ATP2B2: variants seen among roughly 807,000 people sequenced by gnomAD.
ATP2B2 encodes ATPase plasma membrane Ca2+ transporting 2.
ATP2B2 carries 15 observed loss-of-function variants against 120.0 expected under a neutral mutation model. That is an observed-to-expected ratio of 0.12 (90% confidence interval 0.08 to 0.19). ATP2B2 has a LOEUF of 0.19. Ranked by LOEUF, ATP2B2 falls within the 10% of genes least tolerant of loss-of-function variation. ATP2B2 has a pLI of 1.00. For missense variants in ATP2B2, 1,045 were observed against 1,719.8 expected, an observed-to-expected ratio of 0.61 and a Z score of 6.94; for synonymous variants, 694 against 700.3, an observed-to-expected ratio of 0.99 and a Z score of 0.14.
intron 1 of ATP2B2, among the ~76,000 whole-genome samples, chr3:10,701,547 C>T (rs1236062533): frequency 2.6e-5 from 4 of 152,046 alleles, no homozygotes; most frequent in Admixed American, 2.6e-4. Flanking sequence ...GTTTGTATTT[C>T]ATAAGAAACG....
In ATP2B2 at chr3:10,342,423, C is replaced by A. The variant is rs2060304932; in HGVS notation, c.2917+329G>T. On this transcript the variant is annotated intron_variant, in intron 19 of 22. Coordinates refer to ENST00000360273, the MANE Select transcript of ATP2B2 (RefSeq NM_001001331.4). This position sits in a 1 kb window ranked among gnomAD's most constrained non-coding sequence, Gnocchi z 4.4. The stretch of plus-strand genomic sequence containing the variant: ...GGGTCAGAGAAGGGGTGAGTCACTC[C>A]CCTCCCAGCCTCAGGTGCCTCTGGG... Among the ~76,000 whole-genome samples, 1 of 152,174 alleles carries A rather than the reference C, an allele frequency of 6.6e-6. No homozygotes were observed.
chr3:10,689,282 A>G (rs2071598619), intron 1 of ATP2B2, among the ~76,000 whole-genome samples: 2 of 152,210 alleles, frequency 1.3e-5, no homozygotes, highest in African/African-American at 2.4e-5. Context: ...GGTAGGAGTC[A>G]GAACCAGGTA....
intron 1 of ATP2B2, among the ~76,000 whole-genome samples, chr3:10,705,354 C>T (rs1245884198): frequency 1.3e-5 from 2 of 152,128 alleles, no homozygotes; most frequent in Non-Finnish European, 2.9e-5. Context: ...GATCGTATAC[C>T]CCTACACCTC....
rs752028376 is a variant in ATP2B2 at position 10,410,700 on chromosome 3, G to A, written c.315C>T (p.Asp105=). Reference sequence around the variant, plus strand: ...CAATCTCCAGGATGATGAGCGTCACGTCCTGCAGCGCCTCCCACACGAGCT... The same window carrying A: ...CAATCTCCAGGATGATGAGCGTCACATCCTGCAGCGCCTCCCACACGAGCT... ...FLQLVWEALQ[D]VTLIILEIAA... The change falls in exon 3 of 23, where the codon GAC becomes GAT. Residue 105 remains aspartate (D), a synonymous_variant. Transcript: ENST00000360273. 51 of 1,614,202 alleles carry A rather than the reference G, an allele frequency of 3.2e-5. No homozygotes were observed. In the Middle Eastern group the frequency reaches 5.0e-4, roughly 16 times the overall value.
chr3:10,499,267 C>T (rs1368797856), intron 1 of ATP2B2, among the ~76,000 whole-genome samples: 5 of 152,264 alleles, frequency 3.3e-5, no homozygotes, highest in South Asian at 2.1e-4. Context: ...AGAAAACATC[C>T]GCTGAGCCTC....
intron 1 of ATP2B2, among the ~76,000 whole-genome samples, chr3:10,676,297 C>T (rs1266731429): frequency 2.0e-5 from 3 of 152,124 alleles, no homozygotes; most frequent in African/African-American, 7.2e-5. Context: ...TTTGTGGGTT[C>T]CAGCCATTTC....
In ATP2B2 at chr3:10,527,328, C is replaced by T. The variant is rs1213860690; in HGVS notation, c.-320+6711G>A. Among the ~76,000 whole-genome samples, 4 of 152,340 alleles carry T rather than the reference C, an allele frequency of 2.6e-5. No homozygotes were observed. In the East Asian group the frequency reaches 7.7e-4, roughly 29 times the overall value. On this transcript the variant is annotated intron_variant, in intron 3 of 21. Coordinates refer to the ATP2B2 transcript ENST00000646379. ...CCTTATGAAATAGGAACTGTTACCACCACCCCCATTTTACAGGGTAGGAAA... is the reference window on the plus strand; with the variant it reads ...CCTTATGAAATAGGAACTGTTACCATCACCCCCATTTTACAGGGTAGGAAA...
rs546141821 is a variant in ATP2B2 at position 10,343,592 on chromosome 3, A to C, written c.2704-627T>G. 2.0e-5 allele frequency among the ~76,000 whole-genome samples: 3 copies of C among 152,244 alleles called. No individual in the cohort carries two copies. In the East Asian group the frequency reaches 5.8e-4, roughly 29 times the overall value. ...TCCAGGTTCTGGGAGGGACCCTTTC[A>C]GACCTGTCTCTTTGGCTGAGAGGAG... On this transcript the variant is annotated intron_variant, in intron 18 of 22. Transcript: ENST00000360273. The surrounding 1 kb of genome is among the most constrained non-coding windows in gnomAD (Gnocchi z 4.2).
intron 9 of ATP2B2, 137 bp from the exon 10 acceptor site, chr3:10,378,547 T>C: frequency 1.7e-6 from 2 of 1,197,038 alleles, no homozygotes; most frequent in Non-Finnish European, 2.4e-6. Flanking sequence ...GAGCCCCGCA[T>C]GGCTGGTGCA....
At chr3:10,350,662 T>C in intron 14 of ATP2B2, 85 bp from the exon 15 acceptor site, 1 of 1,447,050 alleles carries the variant, frequency 6.9e-7, no homozygotes, top group Non-Finnish European at 9.5e-7. Flanking sequence ...GGAGCCCTTC[T>C]CACAGGCAGC....
At chr3:10,440,174 C>G (rs979984374) in intron 2 of ATP2B2, among the ~76,000 whole-genome samples, 2 of 150,224 alleles carry the variant, frequency 1.3e-5, no homozygotes, top group African/African-American at 4.9e-5. Flanking sequence ...TGAGAAGCCC[C>G]AGAGTCCCAT....
chr3:10,419,696 C>T (rs971500868), intron 2 of ATP2B2, among the ~76,000 whole-genome samples: 13 of 152,328 alleles, frequency 8.5e-5, no homozygotes, highest in Middle Eastern at 3.4e-3. Flanking sequence ...CTATGTTGAG[C>T]ACCCATTATG....
At chr3:10,399,189 T>G (rs533842980) in intron 5 of ATP2B2, among the ~76,000 whole-genome samples, 44 of 152,326 alleles carry the variant, frequency 2.9e-4, no homozygotes, top group Middle Eastern at 3.4e-3. Flanking sequence ...CCCCCAAGGA[T>G]GCTCTGTCTG....
chr3:10,374,464 G>A (rs2061329341), intron 11 of ATP2B2, among the ~76,000 whole-genome samples: 1 of 152,254 alleles, frequency 6.6e-6, no homozygotes, highest in Non-Finnish European at 1.5e-5. Flanking sequence ...CTTGGAAACT[G>A]ATGCTCACCA....
intron 1 of ATP2B2, among the ~76,000 whole-genome samples, chr3:10,499,375 A>G (rs2066288655): frequency 6.6e-6 from 1 of 152,168 alleles, no homozygotes; most frequent in Non-Finnish European, 1.5e-5. Context: ...TGGTTTACGG[A>G]GGAGCAAACT....
chr3:10,570,831 T>C (rs182346052), intron 2 of ATP2B2, among the ~76,000 whole-genome samples: 103 of 152,362 alleles, frequency 6.8e-4, no homozygotes, highest in African/African-American at 2.4e-3. Flanking sequence ...CGCCCTGCTG[T>C]ACTGACCAAG....
chr3:10,593,114 G>A (rs2068683157), intron 2 of ATP2B2, among the ~76,000 whole-genome samples: 1 of 152,158 alleles, frequency 6.6e-6, no homozygotes, highest in South Asian at 2.1e-4. Context: ...ATGGGTCTCA[G>A]GGAAGCATCA....
intron 2 of ATP2B2, among the ~76,000 whole-genome samples, chr3:10,558,459 A>G (rs540535814): frequency 2.6e-5 from 4 of 152,122 alleles, no homozygotes; most frequent in African/African-American, 9.6e-5. Flanking sequence ...AGGTGGGAGG[A>G]GGGGGGCACT....
chr3:10,490,823 TC>T (rs2065906926), intron 1 of ATP2B2, among the ~76,000 whole-genome samples: 1 of 152,182 alleles, frequency 6.6e-6, no homozygotes. Flanking sequence ...GACTGGAAGA[TC>T]ACTTTGGCCT....
Sources: gnomAD v4.1 joint callset for allele counts (sites outside exome capture counted in the v4.1 genomes callset) on GRCh38, gnomAD v4.1.1 for gene constraint, Gnocchi (gnomAD v3.1) non-coding constraint, MANE v1.5 for transcripts, NCBI Gene and HGNC (gene_info 2026-07-23, HGNC 2026-07-21) for gene names.